The following XDH variants were observed in gnomAD, a reference collection of about 807,000 sequenced individuals.
XDH encodes the protein xanthine dehydrogenase/oxidase.
A neutral mutation model predicts 156.1 loss-of-function variants in XDH; 138 were observed. That is an observed-to-expected ratio of 0.88 (90% confidence interval 0.77 to 1.02). The LOEUF (loss-of-function observed/expected upper bound fraction) is 1.02. XDH is among the 50% of genes least tolerant of loss of function. XDH has a pLI of 0.00. For synonymous variants in XDH, 669 were observed against 625.7 expected, an observed-to-expected ratio of 1.07 and a Z score of -1.03; for missense variants, 1,849 against 1,684.9, an observed-to-expected ratio of 1.10 and a Z score of -1.71.
chr2:31,375,912 C>T (rs1686231847), intron 14 of XDH, among the ~76,000 whole-genome samples: 4 of 152,104 alleles, frequency 2.6e-5, no homozygotes, highest in Non-Finnish European at 5.9e-5. Context: ...AAAACTGAGG[C>T]ACACGGAGAT....
intron 5 of XDH, among the ~76,000 whole-genome samples, chr2:31,398,224 G>A (rs915998676): frequency 6.6e-6 from 1 of 152,174 alleles, no homozygotes; most frequent in African/African-American, 2.4e-5. Flanking sequence ...GGTGAAAACT[G>A]AGAGGGAAGG....
chr2:31,368,466 C>G (rs1300967758), intron 19 of XDH, 75 bp downstream of exon 19: 1 of 1,579,248 alleles, frequency 6.3e-7, no homozygotes, highest in Non-Finnish European at 8.7e-7. Flanking sequence ...CAAATCCCCT[C>G]CAGGGGATCC....
chr2:31,344,187 CT>C (rs1439564826), intron 31 of XDH, among the ~76,000 whole-genome samples: 1 of 152,156 alleles, frequency 6.6e-6, no homozygotes, highest in Non-Finnish European at 1.5e-5. Context: ...TAAGTTTCCA[CT>C]GTATTCTGCA....
chr2:31,386,414 C>A lies in XDH; in HGVS notation c.793G>T (p.Gly265Cys), dbSNP rs369387791. 4.3e-6 allele frequency: 7 copies of A among 1,612,824 alleles called. No homozygotes were observed. Among genetic ancestry groups the A allele is most frequent in the Non-Finnish European group, 5.9e-6 (7 of 1,180,008 alleles). The change falls in exon 9 of 36, where the codon GGC becomes TGC. Residue 265 changes from glycine to cysteine, a missense_variant and splice_region_variant. Transcript: ENST00000379416. ...CCAGGGCAGCCTCCCTGGCCCTTACCAATCTCCGTGTTCCCCACGACCAGC... is the reference window on the plus strand; with the variant it reads ...CCAGGGCAGCCTCCCTGGCCCTTACAAATCTCCGTGTTCCCCACGACCAGC... ...AKLVVGNTEI[G>C]IEMKFKNMLF...
chr2:31,359,307 C>T (rs1035263175), intron 24 of XDH, among the ~76,000 whole-genome samples: 1 of 151,372 alleles, frequency 6.6e-6, no homozygotes, highest in Admixed American at 6.6e-5. Flanking sequence ...TTTGGAAGGG[C>T]TGTTTGACAA....
chr2:31,364,949 A>G (rs1685868635), intron 23 of XDH, among the ~76,000 whole-genome samples: 2 of 152,210 alleles, frequency 1.3e-5, no homozygotes, highest in Admixed American at 1.3e-4. Flanking sequence ...GAAAGGGTGC[A>G]TTGGTCATCC....
intron 1 of XDH, among the ~76,000 whole-genome samples, chr2:31,410,129 A>T (rs1687300603): frequency 6.6e-6 from 1 of 152,238 alleles, no homozygotes; most frequent in Non-Finnish European, 1.5e-5. Flanking sequence ...AGCCAGTCAC[A>T]AAAAGACATA....
chr2:31,405,042 G>A (rs953822303), intron 2 of XDH, among the ~76,000 whole-genome samples: 8 of 152,202 alleles, frequency 5.3e-5, no homozygotes, highest in East Asian at 3.8e-4. Flanking sequence ...TTGCCAGTGC[G>A]GGTGAGAGGT....
Position 31,364,165 on chromosome 2 carries a change from G to A in XDH, c.2624C>T (p.Ser875Phe). The A allele has an allele frequency of 3.1e-6, 5 of 1,614,048 alleles. No homozygotes were observed. The highest frequency in any genetic ancestry group is 4.2e-6 in the Non-Finnish European group (5 of 1,180,020). Reference protein sequence around the residue: ...FSNVGNTQDLSQSIMERALFH... With the variant: ...FSNVGNTQDLFQSIMERALFH... Reference sequence around the variant, plus strand: ...GCTGCAGGTCCTACTCACACTCTGAGAGAGATCCTGGGTGTTCCCCACATT... The same window carrying A: ...GCTGCAGGTCCTACTCACACTCTGAAAGAGATCCTGGGTGTTCCCCACATT... Residue 875 changes from serine to phenylalanine, a missense_variant, in exon 24 of 36, where the codon TCT (serine) becomes TTT (phenylalanine). Ser to Phe is a radical substitution (Grantham distance 155, BLOSUM62 -2). Coordinates refer to ENST00000379416, the MANE Select transcript of XDH (RefSeq NM_000379.4).
chr2:31,346,280 G>A (rs1158503511), intron 30 of XDH, among the ~76,000 whole-genome samples: 1 of 152,148 alleles, frequency 6.6e-6, no homozygotes, highest in Non-Finnish European at 1.5e-5. Flanking sequence ...ATAAGTGCTT[G>A]TTCTGTCATT....
intron 29 of XDH, among the ~76,000 whole-genome samples, 184 bp from the exon 30 acceptor site, chr2:31,347,027 A>G (rs1249156463): frequency 6.6e-6 from 1 of 152,204 alleles, no homozygotes; most frequent in Non-Finnish European, 1.5e-5. Context: ...GACCTGGCCA[A>G]TAGGGCCACC....
At chr2:31,396,222 G>T (rs1024062188) in intron 6 of XDH, among the ~76,000 whole-genome samples, 67 of 152,190 alleles carry the variant, frequency 4.4e-4, no homozygotes, top group African/African-American at 1.5e-3. Context: ...ATTGAGGGAG[G>T]TAAGTTCTGC....
Position 31,368,026 on chromosome 2 carries a change from G to T in XDH, c.2132C>A (p.Pro711His). The T allele has an allele frequency of 1.2e-6, 2 of 1,614,104 alleles. No homozygotes were observed. The highest frequency in any genetic ancestry group is 1.7e-6 in the Non-Finnish European group (2 of 1,179,994). Reference protein sequence around the residue: ...DAIKNNSFYGPELKIEKGDLK... With the variant: ...DAIKNNSFYGHELKIEKGDLK... ...GTCCCCTTTCTCGATCTTCAGCTCA[G>T]GTCCATAAAAGGAGTTGTTCTTTAT... The change falls in exon 20 of 36, where the codon CCT becomes CAT. Residue 711 changes from proline to histidine, a missense_variant. Physicochemically the swap from Pro to His is moderately conservative, Grantham distance 77. Transcript: ENST00000379416.
chr2:31,390,016 A>G (rs1686721787), intron 6 of XDH, among the ~76,000 whole-genome samples: 1 of 152,146 alleles, frequency 6.6e-6, no homozygotes, highest in African/African-American at 2.4e-5. Flanking sequence ...TTGACACATC[A>G]TTATCACCCA....
chr2:31,366,075 T>C lies in XDH; in HGVS notation c.2357A>G (p.Asn786Ser). 2 of 1,614,150 alleles carry C rather than the reference T, an allele frequency of 1.2e-6. No individual in the cohort carries two copies. The highest frequency in any genetic ancestry group is 1.7e-6 in the Non-Finnish European group (2 of 1,180,026). The part of the protein sequence containing the change: ...FVAKMLGVPA[N>S]RIVVRVKRMG... ...TCTCTTCACTCGAACCACAATCCGG[T>C]TTGCTGGAACCCCCAACATTTTTGC... Residue 786 changes from asparagine (N) to serine (S), a missense_variant, in exon 22 of 36, where the codon AAC becomes AGC. Asn to Ser is a conservative substitution (Grantham distance 46). Coordinates refer to ENST00000379416, the MANE Select transcript of XDH (RefSeq NM_000379.4).
intron 4 of XDH, 138 bp from the exon 5 acceptor site, chr2:31,398,837 A>AT: frequency 1.4e-6 from 2 of 1,406,762 alleles, no homozygotes; most frequent in Non-Finnish European, 2.0e-6. Context: ...CAGTGCCACC[A>AT]TTTACCAACT....
chr2:31,353,850 C>T (rs1197752901), intron 24 of XDH, among the ~76,000 whole-genome samples: 1 of 152,110 alleles, frequency 6.6e-6, no homozygotes, highest in Admixed American at 6.5e-5. Context: ...TGAGATACCC[C>T]AACATTCCTG....
intron 21 of XDH, 151 bp downstream of exon 21, chr2:31,366,719 G>T: frequency 8.0e-7 from 1 of 1,249,878 alleles, no homozygotes; most frequent in Non-Finnish European, 1.2e-6. Flanking sequence ...CAGCTTGTTG[G>T]TGAAAGAGTC....
intron 13 of XDH, among the ~76,000 whole-genome samples, chr2:31,378,004 A>G (rs1292427437): frequency 1.3e-5 from 2 of 150,196 alleles, no homozygotes; most frequent in Non-Finnish European, 3.0e-5. Flanking sequence ...CTGGGCCAGC[A>G]GGCAGAGTGA....
Sources: gnomAD v4.1 joint callset for allele counts (sites outside exome capture counted in the v4.1 genomes callset) on GRCh38, gnomAD v4.1.1 for gene constraint, MANE v1.5 for transcripts, NCBI Gene and HGNC (gene_info 2026-07-23, HGNC 2026-07-21) for gene names.